Variants in PRDM10 observed in about 807,000 individuals in gnomAD.
The protein encoded by PRDM10 is PR domain zinc finger protein 10.
In PRDM10, 65 loss-of-function variants were observed where a neutral mutation model predicts 133.1. The observed-to-expected ratio is 0.49, with a 90% CI of 0.40 to 0.60. PRDM10 has a LOEUF of 0.60. PRDM10 is among the 20% of genes least tolerant of loss of function. PRDM10 has a pLI of 0.00. For missense variants in PRDM10, 1,137 were observed against 1,507.1 expected (o/e 0.75, Z 4.07); for synonymous variants, 582 against 580.4 (o/e 1.00, Z -0.04).
At position 129,961,231 on chromosome 11, in the gene PRDM10, A is replaced by G. The variant is rs1951789305; in HGVS notation, c.-118-149T>C. On this transcript the variant is annotated intron_variant, in intron 1 of 20. Transcript: ENST00000360871. The stretch of plus-strand genomic sequence containing the variant: ...TGTAAAAATGAAGACATTATTTGTA[A>G]TAATAGTATAGGCCAGGTACAGTGA... The G allele has an allele frequency of 1.0e-5, 5 of 496,796 alleles. No homozygotes were observed. The Admixed American group carries it at 1.8e-4, about 18-fold the overall frequency. 30.8% of individuals were successfully genotyped at this position (496,796 alleles called of 1,614,324 possible).
At chr11:129,975,496 AT>A (rs1467237690) in intron 1 of PRDM10, among the ~76,000 whole-genome samples, 1 of 152,154 alleles carries the variant, frequency 6.6e-6, no homozygotes, top group African/African-American at 2.4e-5. Context: ...TTTTACTGCT[AT>A]AAAAAACGTA....
At chr11:129,988,197 A>G (rs1457215716) in intron 1 of PRDM10, among the ~76,000 whole-genome samples, 2 of 152,190 alleles carry the variant, frequency 1.3e-5, no homozygotes, top group Non-Finnish European at 2.9e-5. Context: ...GTGGTTGCCT[A>G]GGGATTAGGA....
In PRDM10 at chr11:129,944,395, C is replaced by CCATCCTGGCTAA. The variant is rs373627728; in HGVS notation, c.762+375_762+376insTTAGCCAGGATG. Among the ~76,000 whole-genome samples the CCATCCTGGCTAA allele has an allele frequency of 2.3e-3, 354 of 151,110 alleles. 1 individual carries two copies. Among genetic ancestry groups the CCATCCTGGCTAA allele is most frequent in the South Asian group, 7.3e-3 (35 of 4,766 alleles). On this transcript the variant is annotated intron_variant, in intron 6 of 20. Coordinates refer to ENST00000360871, the MANE Select transcript of PRDM10 (RefSeq NM_199437.2). ...AGATCACGAGGTCAGGAGATCGAGA[C>CCATCCTGGCTAA]CACGGTGAAACCCCGTCTCTACTAA...
chr11:129,917,290 G>A lies in PRDM10; in HGVS notation c.2215-53C>T, dbSNP rs138183466. 1.3e-3 allele frequency: 1,725 copies of A among 1,326,766 alleles called. 11 individuals carry two copies. In the African/African-American group the frequency reaches 0.021, roughly 16 times the overall value. 82.2% of individuals were successfully genotyped at this position (1,326,766 alleles called of 1,614,324 possible). ...AAAAAGAGACCCCATTAACCAAACA[G>A]AAGCTACACGAATGCCTCTGATAAT... On this transcript the variant is annotated intron_variant, in intron 14 of 20. Transcript: ENST00000360871.
intron 15 of PRDM10, 37 bp downstream of exon 15, chr11:129,917,090 C>A (rs1244424225): frequency 6.1e-6 from 9 of 1,485,340 alleles, no homozygotes; most frequent in Non-Finnish European, 7.5e-6. Flanking sequence ...AAGCAGGGAA[C>A]CCCAGTGGCA....
intron 11 of PRDM10, among the ~76,000 whole-genome samples, chr11:129,929,744 T>C (rs1950793142): frequency 6.7e-6 from 1 of 148,554 alleles, no homozygotes; most frequent in Non-Finnish European, 1.5e-5. Flanking sequence ...CTTCGGTTTT[T>C]TTTTTTCCTT....
intron 1 of PRDM10, among the ~76,000 whole-genome samples, chr11:129,965,504 G>A (rs60055468): frequency 2.5e-3 from 374 of 152,148 alleles, no homozygotes; most frequent in African/African-American, 8.2e-3. Flanking sequence ...ATCTTCTTGC[G>A]TCTCCTACCG....
intron 1 of PRDM10, among the ~76,000 whole-genome samples, chr11:130,002,106 C>T (rs1939433129): frequency 6.6e-6 from 1 of 150,910 alleles, no homozygotes; most frequent in African/African-American, 2.4e-5. Flanking sequence ...ACCGGCCAGC[C>T]CCGGAGCCCT....
rs1819141847 is a variant in PRDM10, at chr11:129,918,437, A to T, written c.2214+102T>A. Reference sequence around the variant, plus strand: ...CCCCTGGACATTGACAAAACCATTGATCGATATAACTTAGGACACAATGCA... The same window carrying T: ...CCCCTGGACATTGACAAAACCATTGTTCGATATAACTTAGGACACAATGCA... On this transcript the variant is annotated intron_variant, in intron 14 of 20. Coordinates refer to ENST00000360871, the MANE Select transcript of PRDM10 (RefSeq NM_199437.2). This position sits in a 1 kb window ranked among gnomAD's most constrained non-coding sequence, Gnocchi z 5.3. 3.0e-6 allele frequency: 4 copies of T among 1,342,622 alleles called. No individual in the cohort carries two copies. The highest frequency in any genetic ancestry group is 3.0e-6 in the Non-Finnish European group (3 of 1,013,196). The allele number at this position is 1,342,622 out of a possible 1,614,324, so 83.2% of individuals were successfully genotyped here.
intron 1 of PRDM10, among the ~76,000 whole-genome samples, chr11:129,971,333 C>A (rs1952019347): frequency 6.6e-6 from 1 of 152,152 alleles, no homozygotes; most frequent in African/African-American, 2.4e-5. Flanking sequence ...ATTGGTAGAG[C>A]CCAGTGGTCT....
intron 20 of PRDM10, among the ~76,000 whole-genome samples, chr11:129,903,112 T>G (rs1949892914): frequency 6.6e-6 from 1 of 151,916 alleles, no homozygotes; most frequent in South Asian, 2.1e-4. Flanking sequence ...CTGACCAACA[T>G]GAAGAAACTC....
rs1476558551 is a variant in PRDM10 at position 129,944,847 on chromosome 11, T to C, written c.686A>G (p.Lys229Arg). Residue 229 changes from lysine (K) to arginine (R), a missense_variant, in exon 6 of 21, where the codon AAG becomes AGG. By Grantham distance (26) the Lys-to-Arg change is conservative. Coordinates refer to ENST00000360871, the MANE Select transcript of PRDM10 (RefSeq NM_199437.2). ...CTCCACGGGGCCAAACTGGGTGCGC[T>C]TGGGGATGCGCCGCTTGGAGAACAC... ...GGVFSKRRIP[K>R]RTQFGPVEGP... 8 of 1,614,020 alleles carry C rather than the reference T, an allele frequency of 5.0e-6. No individual in the cohort carries two copies. Among genetic ancestry groups the C allele is most frequent in the South Asian group, 1.1e-5 (1 of 91,088 alleles).
At chr11:129,954,480 G>A (rs1951657977) in intron 4 of PRDM10, among the ~76,000 whole-genome samples, 2 of 151,972 alleles carry the variant, frequency 1.3e-5, no homozygotes, top group South Asian at 4.2e-4. Context: ...GGCCAGGCTG[G>A]TCTCGAACTC....
chr11:129,949,098 C>A (rs907639116), intron 4 of PRDM10, among the ~76,000 whole-genome samples: 2 of 152,238 alleles, frequency 1.3e-5, no homozygotes, highest in Non-Finnish European at 2.9e-5. Context: ...ACTATCCCCA[C>A]AGCTTTGCAT....
At chr11:129,944,540 G>T (rs112390507) in intron 6 of PRDM10, among the ~76,000 whole-genome samples, 5 of 149,172 alleles carry the variant, frequency 3.4e-5, no homozygotes. Flanking sequence ...AGCCGAGATC[G>T]CGCCACTGCA....
rs563318927 is a variant in PRDM10 at position 129,982,567 on chromosome 11, T to A, written c.-119+20155A>T. On this transcript the variant is annotated intron_variant, in intron 1 of 20. Coordinates refer to ENST00000360871, the MANE Select transcript of PRDM10 (RefSeq NM_199437.2). ...GTTAACCACGGTTACCTTTGAAAAG[T>A]TAAATTTGAGTAACTTTACATCTTT... Among the ~76,000 whole-genome samples, 14 of 152,312 alleles carry A rather than the reference T, an allele frequency of 9.2e-5. No homozygotes were observed. In the South Asian group the frequency reaches 2.9e-3, roughly 32 times the overall value.
At chr11:129,960,476 A>G (rs1951775647) in intron 2 of PRDM10, among the ~76,000 whole-genome samples, 1 of 152,228 alleles carries the variant, frequency 6.6e-6, no homozygotes, top group South Asian at 2.1e-4. Context: ...ACTTTGACTT[A>G]GAGGTTTACA....
intron 1 of PRDM10, among the ~76,000 whole-genome samples, chr11:129,994,837 TAG>T (rs1938963731): frequency 6.6e-6 from 1 of 151,940 alleles, no homozygotes; most frequent in African/African-American, 2.4e-5. Flanking sequence ...GTATTTTTAG[TAG>T]AGACAGGGCT....
At chr11:129,956,573 A>T (rs1951700653) in intron 3 of PRDM10, among the ~76,000 whole-genome samples, 1 of 152,202 alleles carries the variant, frequency 6.6e-6, no homozygotes, top group Admixed American at 6.5e-5. Context: ...CAAAAAAAAT[A>T]AAAAATAAGT....
Sources: allele counts gnomAD v4.1 joint callset (sites outside exome capture counted in the v4.1 genomes callset), GRCh38; gene constraint gnomAD v4.1.1; non-coding constraint Gnocchi (gnomAD v3.1); transcripts MANE v1.5; gene names NCBI Gene and HGNC (gene_info 2026-07-23, HGNC 2026-07-21).